CNOT7: variants seen among roughly 807,000 people sequenced by gnomAD.
The protein encoded by CNOT7 is BTG1-binding factor 1.
CNOT7 carries 4 observed loss-of-function variants against 37.1 expected under a neutral mutation model. The ratio of observed to expected loss-of-function variants is 0.11; its 90% CI spans 0.05 to 0.25. The LOEUF (loss-of-function observed/expected upper bound fraction) is 0.25, where lower values mean the gene tolerates loss of function less well. Among genes scored for constraint, CNOT7 ranks in the 10% least tolerant of loss-of-function variants. The probability of loss-of-function intolerance (pLI) is 1.00; values close to 1 mark genes in which losing one functional copy is unlikely to be tolerated. For missense variants in CNOT7, 170 were observed against 336.2 expected, an observed-to-expected ratio of 0.51 and a Z score of 3.87; for synonymous variants, 128 against 115.6, an observed-to-expected ratio of 1.11 and a Z score of -0.69.
intron 4 of CNOT7, among the ~76,000 whole-genome samples, chr8:17,236,866 C>CAAAA (rs1809433779): frequency 1.3e-5 from 2 of 152,126 alleles, no homozygotes; most frequent in Non-Finnish European, 2.9e-5. Context: ...TGAATGGTTT[C>CAAAA]CCCCGTAGAA....
chr8:17,235,680 C>T (rs182642018), intron 4 of CNOT7, among the ~76,000 whole-genome samples: 1 of 152,264 alleles, frequency 6.6e-6, no homozygotes, highest in African/African-American at 2.4e-5. Context: ...TAACAGGAAG[C>T]CTATATGACA....
Position 17,245,250 on chromosome 8 carries a change from G to A in CNOT7, c.-95-3C>T. On this transcript the variant is annotated splice_polypyrimidine_tract_variant and splice_region_variant and intron_variant, in intron 1 of 6. Transcript: ENST00000361272. ...TATTTTATCCTTTATTTATGTACCT[G>A]TCAAAATAAAAAAACAATATGAAGA... The A allele has an allele frequency of 7.9e-7, 1 of 1,270,314 alleles. No individual in the cohort carries two copies. Among genetic ancestry groups the A allele is most frequent in the Non-Finnish European group, 1.0e-6 (1 of 963,494 alleles). 78.7% of individuals were successfully genotyped at this position (1,270,314 alleles called of 1,614,324 possible).
At chr8:17,234,884 A>C (rs926392118) in intron 4 of CNOT7, 24 bp from the exon 5 acceptor site, 27 of 1,607,914 alleles carry the variant, frequency 1.7e-5, no homozygotes, top group Non-Finnish European at 2.0e-5. Flanking sequence ...AAAAGAATAG[A>C]GAAGAGGGAC....
intron 4 of CNOT7, among the ~76,000 whole-genome samples, chr8:17,236,168 G>A (rs780371526): frequency 5.3e-5 from 8 of 152,146 alleles, no homozygotes; most frequent in South Asian, 2.1e-4. Context: ...ACCATTTCTG[G>A]TTAGTACACA....
chr8:17,240,368 G>C (rs959600371), intron 3 of CNOT7, among the ~76,000 whole-genome samples: 10 of 146,122 alleles, frequency 6.8e-5, no homozygotes, highest in African/African-American at 2.3e-4. Flanking sequence ...TTTTTTTTTA[G>C]CTCAACAGCT....
chr8:17,246,473 T>C (rs938585658), intron 1 of CNOT7: 1 of 153,024 alleles, frequency 6.5e-6, no homozygotes, highest in Non-Finnish European at 1.5e-5. Flanking sequence ...ACAAAGCCTT[T>C]GCGTCATCAC....
intron 3 of CNOT7, chr8:17,241,545 A>C (rs896574335): frequency 1.3e-5 from 2 of 152,212 alleles, no homozygotes; most frequent in Non-Finnish European, 2.9e-5. Flanking sequence ...AACAGGAAGA[A>C]AGAATTCATA....
In CNOT7 at chr8:17,226,653, T is replaced by C. The variant is rs1167649617; in HGVS notation, c.*4067A>G. On this transcript the variant is annotated 3_prime_UTR_variant, in exon 7 of 7. Transcript: ENST00000361272. ...CAAAAAACTGCTACAGGAAAATATA[T>C]CCACTAAAAATGGATTTGGCAATAC... 2 of 151,770 alleles carry C rather than the reference T, an allele frequency of 1.3e-5. No homozygotes were observed. The highest frequency in any genetic ancestry group is 3.0e-5 in the Non-Finnish European group (2 of 67,742). 9.4% of individuals were successfully genotyped at this position (151,770 alleles called of 1,614,324 possible).
chr8:17,243,511 A>G (rs1247649042), intron 2 of CNOT7: 2 of 495,040 alleles, frequency 4.0e-6, no homozygotes, highest in Admixed American at 2.3e-5. Flanking sequence ...TGATGCTCAC[A>G]GTATTCCAAT....
intron 2 of CNOT7, 86 bp from the exon 3 acceptor site, chr8:17,243,271 A>G (rs1249990784): frequency 5.1e-6 from 5 of 989,936 alleles, no homozygotes; most frequent in Non-Finnish European, 3.0e-6. Context: ...AAATCAAAGA[A>G]TCCTACAGAT....
intron 1 of CNOT7, chr8:17,246,041 T>G (rs541334106): frequency 1.3e-5 from 2 of 151,932 alleles, no homozygotes; most frequent in African/African-American, 4.8e-5. Context: ...ATTCTCCAAG[T>G]AGAGAAACTA....
rs1367781796 is a variant in CNOT7, at chr8:17,226,169, T to A, written c.*4551A>T. 1 of 149,224 alleles carries A rather than the reference T, an allele frequency of 6.7e-6. No homozygotes were observed. Among genetic ancestry groups the A allele is most frequent in the African/African-American group, 2.4e-5 (1 of 40,860 alleles). 9.2% of individuals were successfully genotyped at this position (149,224 alleles called of 1,614,324 possible). ...AATTTTTATTCTAAAAATTGAAAACTCAAAATATTGAGTACAATTTTTTTT... is the reference window on the plus strand; with the variant it reads ...AATTTTTATTCTAAAAATTGAAAACACAAAATATTGAGTACAATTTTTTTT... On this transcript the variant is annotated 3_prime_UTR_variant, in exon 7 of 7. Transcript: ENST00000361272.
chr8:17,232,511 C>G lies in CNOT7; in HGVS notation c.645G>C (p.Gln215His). The change falls in exon 6 of 7, where the codon CAG becomes CAC. Residue 215 changes from glutamine to histidine, a missense_variant. Physicochemically the swap from Gln to His is conservative, Grantham distance 24. Transcript: ENST00000361272. Reference protein sequence around the residue: ...LKGGLQEVAEQLELERIGPQH... With the variant: ...LKGGLQEVAEHLELERIGPQH... ...GTGGTCCTATCCGTTCCAGCTCTAACTGTTCTGCCACCTCCTGTAATCCAC... is the reference window on the plus strand; with the variant it reads ...GTGGTCCTATCCGTTCCAGCTCTAAGTGTTCTGCCACCTCCTGTAATCCAC... 6.2e-7 allele frequency: 1 copy of G among 1,614,102 alleles called. No individual in the cohort carries two copies. Among genetic ancestry groups the G allele is most frequent in the Non-Finnish European group, 8.5e-7 (1 of 1,179,990 alleles).
rs967283231 is a variant in CNOT7, at chr8:17,225,796, C to T, written c.*4924G>A. 1 of 151,682 alleles carries T rather than the reference C, an allele frequency of 6.6e-6. No individual in the cohort carries two copies. Among genetic ancestry groups the T allele is most frequent in the Admixed American group, 6.6e-5 (1 of 15,202 alleles). The allele number at this position is 151,682 out of a possible 1,614,324, so 9.4% of individuals were successfully genotyped here. ...CAACATAGCAAATGGCATGTGTGAA[C>T]TGGCCTTCACTACAAAGCACCGACA... On this transcript the variant is annotated 3_prime_UTR_variant, in exon 7 of 7. Transcript: ENST00000361272.
rs939495926 is a variant in CNOT7, at chr8:17,225,036, TATTA to T, written c.*5680_*5683del. On this transcript the variant is annotated 3_prime_UTR_variant, in exon 7 of 7. Transcript: ENST00000361272. ...CAAGACACCTGCTCACAACTTACAG[TATTA>T]ATTTTTTAGAAAAACAAAACAGGTA... is the stretch of plus-strand genomic sequence containing the variant. 7 of 151,810 alleles carry T rather than the reference TATTA, an allele frequency of 4.6e-5. No homozygotes were observed. The highest frequency in any genetic ancestry group is 1.4e-4 in the African/African-American group (6 of 41,514). The allele number at this position is 151,810 out of a possible 1,614,324, so 9.4% of individuals were successfully genotyped here. A position where few individuals can be genotyped will look rare whatever the true frequency, so the allele number is the denominator to read the frequency against.
chr8:17,232,393 A>G (rs1808756422), intron 6 of CNOT7, 34 bp downstream of exon 6: 2 of 1,613,614 alleles, frequency 1.2e-6, no homozygotes, highest in Non-Finnish European at 8.5e-7. Flanking sequence ...CAACCTAACA[A>G]CCAACTGAGA....
intron 3 of CNOT7, 98 bp from the exon 4 acceptor site, chr8:17,237,471 C>G (rs1199634609): frequency 8.0e-6 from 9 of 1,130,674 alleles, no homozygotes; most frequent in Admixed American, 2.1e-5. Context: ...AGAAAAGAGA[C>G]AGAGGAATGG....
chr8:17,243,359 CTA>C, intron 2 of CNOT7, 174 bp from the exon 3 acceptor site: 1 of 642,648 alleles, frequency 1.6e-6, no homozygotes, highest in Non-Finnish European at 2.7e-6. Flanking sequence ...CCATAAAACT[CTA>C]TAAACTTAAT....
chr8:17,231,598 G>C (rs958036241), intron 6 of CNOT7: 4 of 985,046 alleles, frequency 4.1e-6, no homozygotes, highest in Admixed American at 1.2e-4. Context: ...TAATGTCTAA[G>C]AGAAAATATA....
Sources: gnomAD v4.1 joint callset for allele counts (sites outside exome capture counted in the v4.1 genomes callset) on GRCh38, gnomAD v4.1.1 for gene constraint, MANE v1.5 for transcripts, NCBI Gene and HGNC (gene_info 2026-07-23, HGNC 2026-07-21) for gene names.